TNIK: variants seen among roughly 807,000 people sequenced by gnomAD.
The protein encoded by TNIK is TRAF2 and NCK-interacting protein kinase.
A neutral mutation model predicts 191.3 loss-of-function variants in TNIK; 49 were observed. The observed-to-expected ratio is 0.26, with a 90% CI of 0.20 to 0.32. TNIK has a LOEUF of 0.32. Among genes scored for constraint, TNIK ranks in the 10% least tolerant of loss-of-function variants. TNIK has a pLI of 1.00. For synonymous variants in TNIK, 594 were observed against 600.9 expected, an observed-to-expected ratio of 0.99 and a Z score of 0.17; for missense variants, 1,155 against 1,702.3, an observed-to-expected ratio of 0.68 and a Z score of 5.66.
At chr3:171,281,104 T>C (rs1443499576) in intron 2 of TNIK, among the ~76,000 whole-genome samples, 1 of 152,188 alleles carries the variant, frequency 6.6e-6, no homozygotes. Flanking sequence ...GTAGGAAACA[T>C]TCTGGTTCAA....
rs2108282042 is a variant in TNIK at position 171,058,651 on chromosome 3, T to A, written c.*5230A>T. Among the ~76,000 whole-genome samples, 1 of 152,348 alleles carries A rather than the reference T, an allele frequency of 6.6e-6. No individual in the cohort carries two copies. The highest frequency in any genetic ancestry group is 2.4e-5 in the African/African-American group (1 of 41,592). ...TTCTTCTCTCATTCTCAGGTGAGGTTATAATCCAGTTTTAGCAAATGTTTG... is the reference window on the plus strand; with the variant it reads ...TTCTTCTCTCATTCTCAGGTGAGGTAATAATCCAGTTTTAGCAAATGTTTG... On this transcript the variant is annotated 3_prime_UTR_variant, in exon 33 of 33. Coordinates refer to ENST00000436636, the MANE Select transcript of TNIK (RefSeq NM_015028.4).
intron 2 of TNIK, among the ~76,000 whole-genome samples, chr3:171,299,834 A>G (rs1388483037): frequency 2.0e-5 from 3 of 152,212 alleles, no homozygotes; most frequent in Non-Finnish European, 2.9e-5. Context: ...TGGTAGCCAC[A>G]GGCTTTGGAA....
chr3:171,171,881 G>A (rs1735334407), intron 9 of TNIK, among the ~76,000 whole-genome samples: 1 of 152,168 alleles, frequency 6.6e-6, no homozygotes, highest in Admixed American at 6.5e-5. Context: ...GAGGGTGAGA[G>A]TATCTTTGGT....
At chr3:171,311,906 T>G (rs1432075555) in intron 2 of TNIK, among the ~76,000 whole-genome samples, 1 of 151,350 alleles carries the variant, frequency 6.6e-6, no homozygotes, top group Non-Finnish European at 1.5e-5. Context: ...GGCAAGAGTG[T>G]GAAGGATTCC....
At chr3:171,425,911 G>A (rs376287877) in intron 1 of TNIK, among the ~76,000 whole-genome samples, 11 of 151,974 alleles carry the variant, frequency 7.2e-5, no homozygotes, top group Non-Finnish European at 1.5e-4. Context: ...CTTGGACAGC[G>A]CTGGAGAGCA....
chr3:171,350,702 A>T (rs1290642517), intron 2 of TNIK, among the ~76,000 whole-genome samples: 1 of 151,764 alleles, frequency 6.6e-6, no homozygotes, highest in Non-Finnish European at 1.5e-5. Flanking sequence ...TTGAGTACTC[A>T]CTGTATACCT....
intron 2 of TNIK, among the ~76,000 whole-genome samples, chr3:171,316,790 T>C (rs1208498220): frequency 6.6e-6 from 1 of 151,940 alleles, no homozygotes; most frequent in Non-Finnish European, 1.5e-5. Flanking sequence ...ATAGTTCTTA[T>C]ATTACTATAA....
At chr3:171,096,361 G>A (rs980485179) in intron 22 of TNIK, among the ~76,000 whole-genome samples, 4 of 152,004 alleles carry the variant, frequency 2.6e-5, no homozygotes, top group African/African-American at 7.2e-5. Flanking sequence ...GACCAAGTCC[G>A]AATCACTCTT....
chr3:171,377,791 A>G (rs1317246074), intron 1 of TNIK, among the ~76,000 whole-genome samples: 1 of 152,252 alleles, frequency 6.6e-6, no homozygotes. Context: ...AGCACAATGC[A>G]TGGCAGTGCT....
chr3:171,100,660 T>C (rs1305798823), intron 22 of TNIK, among the ~76,000 whole-genome samples: 1 of 139,750 alleles, frequency 7.2e-6, no homozygotes, highest in Non-Finnish European at 1.5e-5. Context: ...GTGGAGGAAC[T>C]GGGGAAGCAA....
chr3:171,064,103 G>T (rs555471690), intron 32 of TNIK, 139 bp from the exon 33 acceptor site: 3 of 730,570 alleles, frequency 4.1e-6, no homozygotes, highest in African/African-American at 1.8e-5. Context: ...TGTTTATAAA[G>T]TCCCTTTGGA....
intron 4 of TNIK, among the ~76,000 whole-genome samples, chr3:171,204,217 G>A (rs190952379): frequency 5.3e-5 from 8 of 152,146 alleles, no homozygotes; most frequent in East Asian, 1.9e-4. Context: ...TTTGATTTCC[G>A]GATCAGACCC....
At chr3:171,392,860 C>T (rs1004009392) in intron 1 of TNIK, among the ~76,000 whole-genome samples, 4 of 151,416 alleles carry the variant, frequency 2.6e-5, no homozygotes, top group African/African-American at 4.9e-5. Context: ...TACTTTGTCT[C>T]ATCAGTGAGG....
intron 2 of TNIK, among the ~76,000 whole-genome samples, chr3:171,235,116 A>G (rs1027279231): frequency 1.3e-5 from 2 of 152,124 alleles, no homozygotes; most frequent in Non-Finnish European, 1.5e-5. Flanking sequence ...GTCTCGGCCC[A>G]CTGCAATCTC....
intron 23 of TNIK, 65 bp from the exon 24 acceptor site, chr3:171,087,571 C>T (rs1377338658): frequency 1.9e-5 from 30 of 1,573,814 alleles, no homozygotes; most frequent in Non-Finnish European, 2.5e-5. Context: ...GTGACATCAG[C>T]CCTCACACAG....
intron 2 of TNIK, among the ~76,000 whole-genome samples, chr3:171,361,188 C>G (rs1714918916): frequency 6.6e-6 from 1 of 152,182 alleles, no homozygotes; most frequent in Non-Finnish European, 1.5e-5. Context: ...ATAAAACCTT[C>G]CCCAGCCCAA....
chr3:171,278,235 G>T (rs1481335316), intron 2 of TNIK, among the ~76,000 whole-genome samples: 1 of 152,182 alleles, frequency 6.6e-6, no homozygotes, highest in Admixed American at 6.5e-5. Context: ...GAAAAAGTCT[G>T]TCATGAGACT....
chr3:171,199,901 T>C (rs1039880828), intron 4 of TNIK, among the ~76,000 whole-genome samples: 8 of 152,222 alleles, frequency 5.3e-5, no homozygotes, highest in African/African-American at 1.9e-4. Context: ...AAGAAAGAGT[T>C]TCTGACATGG....
rs1733645455 is a variant in TNIK at position 171,159,236 on chromosome 3, G to A, written c.1017-1572C>T. 6.6e-6 allele frequency among the ~76,000 whole-genome samples: 1 copy of A among 151,946 alleles called. No homozygotes were observed. Among genetic ancestry groups the A allele is most frequent in the African/African-American group, 2.4e-5 (1 of 41,348 alleles). On this transcript the variant is annotated intron_variant, in intron 11 of 32. Transcript: ENST00000436636. The surrounding 1 kb of genome is among the most constrained non-coding windows in gnomAD (Gnocchi z 4.1). ...AGGGAAGGAGCGTTTGGGGATAGAG[G>A]TCACGAAGCCTGTGGACAGATCTGA... is the stretch of plus-strand genomic sequence containing the variant.
Sources: gnomAD v4.1 joint callset for allele counts (sites outside exome capture counted in the v4.1 genomes callset) on GRCh38, gnomAD v4.1.1 for gene constraint, Gnocchi (gnomAD v3.1) non-coding constraint, MANE v1.5 for transcripts, NCBI Gene and HGNC (gene_info 2026-07-23, HGNC 2026-07-21) for gene names.